The following SLC4A4 variants were observed in gnomAD, a reference collection of about 807,000 sequenced individuals.
SLC4A4 encodes solute carrier family 4 member 4.
Under a neutral mutation model 111.5 loss-of-function variants are expected in SLC4A4, and 27 were observed. That is an observed-to-expected ratio of 0.24 (90% CI 0.18 to 0.33). SLC4A4 has a LOEUF of 0.33. Ranked by LOEUF, SLC4A4 falls within the 10% of genes least tolerant of loss-of-function variation. SLC4A4 has a pLI of 1.00. For synonymous variants in SLC4A4, 443 were observed against 463.4 expected, an observed-to-expected ratio of 0.96 and a Z score of 0.57; for missense variants, 909 against 1,315.5, an observed-to-expected ratio of 0.69 and a Z score of 4.78.
chr4:71,439,243 A>G (rs1424778021), intron 7 of SLC4A4, among the ~76,000 whole-genome samples: 1 of 151,442 alleles, frequency 6.6e-6, no homozygotes. Context: ...CCTGGCCAAT[A>G]TGGTGAAACT....
At chr4:71,416,998 C>T (rs924219516) in intron 7 of SLC4A4, among the ~76,000 whole-genome samples, 3 of 152,126 alleles carry the variant, frequency 2.0e-5, no homozygotes, top group Admixed American at 6.6e-5. Context: ...TTCTTACTAG[C>T]GACCTTTCTG....
At chr4:71,173,239 A>G (rs1190716257) in intron 2 of SLC4A4, among the ~76,000 whole-genome samples, 1 of 152,224 alleles carries the variant, frequency 6.6e-6, no homozygotes, top group African/African-American at 2.4e-5. Flanking sequence ...CTGTTTTTGG[A>G]TAGCTGATAT....
chr4:71,544,999 T>C (rs143525059), intron 18 of SLC4A4, among the ~76,000 whole-genome samples: 1 of 152,060 alleles, frequency 6.6e-6, no homozygotes, highest in Non-Finnish European at 1.5e-5. Flanking sequence ...CTAGTCATTA[T>C]TGAACAAATT....
At chr4:71,439,561 T>G (rs979082444) in intron 7 of SLC4A4, among the ~76,000 whole-genome samples, 1 of 151,494 alleles carries the variant, frequency 6.6e-6, no homozygotes, top group Non-Finnish European at 1.5e-5. Flanking sequence ...AGCCTGTGAT[T>G]TAACTGATTC....
intron 2 of SLC4A4, among the ~76,000 whole-genome samples, chr4:71,136,162 T>G (rs1453572825): frequency 6.6e-6 from 1 of 152,192 alleles, no homozygotes; most frequent in Non-Finnish European, 1.5e-5. Context: ...GTTTTAATAC[T>G]TCTGTGTCTA....
At chr4:71,413,775 T>A (rs1297943179) in intron 7 of SLC4A4, among the ~76,000 whole-genome samples, 1 of 152,084 alleles carries the variant, frequency 6.6e-6, no homozygotes, top group African/African-American at 2.4e-5. Flanking sequence ...CCCTTCTAGG[T>A]TCCTTCCAGT....
chr4:71,554,558 C>G (rs990731683), intron 20 of SLC4A4, among the ~76,000 whole-genome samples: 1 of 151,688 alleles, frequency 6.6e-6, no homozygotes, highest in Non-Finnish European at 1.5e-5. Flanking sequence ...TAATTGCTTC[C>G]AAGTGCTCCA....
chr4:71,471,568 G>A (rs575292908), intron 13 of SLC4A4, among the ~76,000 whole-genome samples: 1 of 152,064 alleles, frequency 6.6e-6, no homozygotes, highest in African/African-American at 2.4e-5. Context: ...GTTCTAGAGT[G>A]TCAAGCATGC....
chr4:71,535,601 G>A (rs1363172734), intron 18 of SLC4A4, among the ~76,000 whole-genome samples: 1 of 152,094 alleles, frequency 6.6e-6, no homozygotes, highest in Non-Finnish European at 1.5e-5. Context: ...TTAGAGTAAT[G>A]TGAGTCTGGT....
intron 2 of SLC4A4, among the ~76,000 whole-genome samples, chr4:71,117,430 ATTGT>A (rs1161154387): frequency 3.3e-5 from 5 of 152,278 alleles, no homozygotes; most frequent in South Asian, 4.1e-4. Context: ...ATAGGTAGAG[ATTGT>A]TTGTTTGTTT....
chr4:71,096,097 T>C (rs1033635766), intron 2 of SLC4A4, among the ~76,000 whole-genome samples: 48 of 152,150 alleles, frequency 3.2e-4, no homozygotes, highest in Admixed American at 1.5e-3. Context: ...GAGAGGGTTT[T>C]GGTGGGACAG....
intron 5 of SLC4A4, among the ~76,000 whole-genome samples, chr4:71,351,547 GA>G (rs1729836000): frequency 6.6e-6 from 1 of 152,146 alleles, no homozygotes; most frequent in African/African-American, 2.4e-5. Context: ...CATACAGAAT[GA>G]AAAATAACTA....
intron 2 of SLC4A4, among the ~76,000 whole-genome samples, chr4:71,243,492 C>T (rs1177231177): frequency 1.3e-5 from 2 of 152,052 alleles, no homozygotes; most frequent in African/African-American, 4.8e-5. Context: ...TTTCTTGTTG[C>T]TGTCATGAGC....
chr4:71,238,568 G>A lies in SLC4A4; in HGVS notation c.73+1919G>A, dbSNP rs1005907411. On this transcript the variant is annotated intron_variant, in intron 2 of 25. Coordinates refer to ENST00000264485, the MANE Select transcript of SLC4A4 (RefSeq NM_001098484.3). ...CTCTATTTTAGTGACTGTCTTTCAT[G>A]TTGATTGGCACCTGAGCTGACTACA... Among the ~76,000 whole-genome samples the A allele has an allele frequency of 9.2e-5, 14 of 152,220 alleles. 1 individual carries two copies. The highest frequency in any genetic ancestry group is 8.5e-4 in the Admixed American group (13 of 15,288).
In SLC4A4 at chr4:71,487,036, T is replaced by G; in HGVS notation, c.1974+18T>G. ...CTGACATGGTAAGTGACTTACTATT[T>G]TAAATTACCTTCATACTGACTGCAT... On this transcript the variant is annotated intron_variant, in intron 15 of 25. Transcript: ENST00000264485. 1 of 1,406,652 alleles carries G rather than the reference T, an allele frequency of 7.1e-7. No homozygotes were observed. The highest frequency in any genetic ancestry group is 1.2e-5 in the South Asian group (1 of 86,714). 87.1% of individuals were successfully genotyped at this position (1,406,652 alleles called of 1,614,324 possible). A position where few individuals can be genotyped will look rare whatever the true frequency, so the allele number is the denominator to read the frequency against.
intron 1 of SLC4A4, among the ~76,000 whole-genome samples, chr4:71,222,727 A>T (rs571970324): frequency 6.6e-6 from 1 of 152,326 alleles, no homozygotes; most frequent in South Asian, 2.1e-4. Flanking sequence ...AATGTCTTCA[A>T]TGTTCTTGTA....
intron 2 of SLC4A4, among the ~76,000 whole-genome samples, chr4:71,171,897 T>C (rs1744951656): frequency 6.6e-6 from 1 of 152,228 alleles, no homozygotes; most frequent in South Asian, 2.1e-4. Flanking sequence ...TGTATTTTAA[T>C]TTAATCAAAG....
chr4:71,364,343 G>A (rs1731055297), intron 6 of SLC4A4, among the ~76,000 whole-genome samples: 2 of 152,128 alleles, frequency 1.3e-5, no homozygotes, highest in African/African-American at 4.8e-5. Context: ...ATATAACCAG[G>A]AATAAATGAG....
intron 2 of SLC4A4, among the ~76,000 whole-genome samples, chr4:71,106,318 G>C (rs917716343): frequency 6.0e-5 from 9 of 151,040 alleles, no homozygotes; most frequent in Non-Finnish European, 1.3e-4. Flanking sequence ...CTTTTATACT[G>C]TTGGTGGGAT....
Sources: gnomAD v4.1 joint callset for allele counts (sites outside exome capture counted in the v4.1 genomes callset) on GRCh38, gnomAD v4.1.1 for gene constraint, MANE v1.5 for transcripts, NCBI Gene and HGNC (gene_info 2026-07-23, HGNC 2026-07-21) for gene names.